C8orf88: variants seen among roughly 807,000 people sequenced by gnomAD.
C8orf88 encodes the protein uncharacterized protein C8orf88.
C8orf88 carries 14 observed loss-of-function variants against 18.4 expected under a neutral mutation model. The ratio of observed to expected loss-of-function variants is 0.76; its 90% CI spans 0.50 to 1.19. C8orf88 has a LOEUF of 1.19. Among genes scored for constraint, C8orf88 ranks in the 50% most tolerant of loss-of-function variants. The probability of loss-of-function intolerance (pLI) is 0.00; values close to 1 mark genes in which losing one functional copy is unlikely to be tolerated. For missense variants in C8orf88, 116 were observed against 134.7 expected (o/e 0.86, Z 0.69); for synonymous variants, 45 against 42.9 (o/e 1.05, Z -0.19).
intron 4 of C8orf88, among the ~76,000 whole-genome samples, chr8:90,969,879 A>G (rs1279373054): frequency 6.6e-6 from 1 of 151,920 alleles, no homozygotes; most frequent in Non-Finnish European, 1.5e-5. Flanking sequence ...CCGGAAAAAA[A>G]GCTGCACATT....
chr8:90,965,624 C>A (rs1175728428), intron 4 of C8orf88, among the ~76,000 whole-genome samples: 2 of 151,688 alleles, frequency 1.3e-5, no homozygotes, highest in Non-Finnish European at 2.9e-5. Flanking sequence ...AGGATGAACT[C>A]ATATGTTAGG....
chr8:90,984,244 C>G (rs1811473445), intron 1 of C8orf88, among the ~76,000 whole-genome samples: 1 of 152,078 alleles, frequency 6.6e-6, no homozygotes, highest in Non-Finnish European at 1.5e-5. Flanking sequence ...TTGAATTTAC[C>G]TTGTGTATAA....
chr8:90,967,107 A>G (rs1172264610), intron 4 of C8orf88, among the ~76,000 whole-genome samples: 1 of 151,832 alleles, frequency 6.6e-6, no homozygotes, highest in Non-Finnish European at 1.5e-5. Flanking sequence ...AAACAGTGAA[A>G]GTGGGCACCC....
intron 4 of C8orf88, among the ~76,000 whole-genome samples, chr8:90,964,026 G>A (rs952605082): frequency 3.3e-5 from 5 of 151,636 alleles, no homozygotes; most frequent in African/African-American, 1.2e-4. Context: ...ACTTACAATT[G>A]TTTGACTTTA....
At chr8:90,982,470 T>G (rs1257643581) in intron 1 of C8orf88, among the ~76,000 whole-genome samples, 1 of 152,150 alleles carries the variant, frequency 6.6e-6, no homozygotes, top group Non-Finnish European at 1.5e-5. Context: ...TGGCACACAC[T>G]TCGTTGTTTT....
intron 1 of C8orf88, among the ~76,000 whole-genome samples, chr8:90,981,812 A>C (rs1811438945): frequency 6.6e-6 from 1 of 152,116 alleles, no homozygotes; most frequent in Non-Finnish European, 1.5e-5. Flanking sequence ...AAGATTTCCA[A>C]ATTTTGATGC....
At chr8:90,966,094 T>A (rs988490021) in intron 4 of C8orf88, among the ~76,000 whole-genome samples, 1 of 151,658 alleles carries the variant, frequency 6.6e-6, no homozygotes, top group East Asian at 2.0e-4. Context: ...AAAGTTGGTT[T>A]TTTCAACCCA....
chr8:90,975,431 C>T (rs973108030), intron 3 of C8orf88, among the ~76,000 whole-genome samples: 2 of 151,786 alleles, frequency 1.3e-5, no homozygotes, highest in Admixed American at 6.6e-5. Flanking sequence ...GGACAAACAA[C>T]CCAAATAATA....
chr8:90,971,297 C>A (rs1811280127), intron 3 of C8orf88, among the ~76,000 whole-genome samples, 156 bp from the exon 4 acceptor site: 1 of 151,836 alleles, frequency 6.6e-6, no homozygotes, highest in East Asian at 1.9e-4. Context: ...AAATGAGCGA[C>A]AAAAACATCT....
intron 1 of C8orf88, among the ~76,000 whole-genome samples, chr8:90,982,256 A>G (rs1021992886): frequency 6.6e-6 from 1 of 152,166 alleles, no homozygotes; most frequent in Non-Finnish European, 1.5e-5. Context: ...CAAATAGAAA[A>G]AATACTTCAA....
At chr8:90,970,209 T>A (rs1305854236) in intron 4 of C8orf88, among the ~76,000 whole-genome samples, 2 of 151,872 alleles carry the variant, frequency 1.3e-5, no homozygotes, top group Non-Finnish European at 2.9e-5. Context: ...AATAACTATG[T>A]GGTGGGGAGA....
chr8:90,965,273 T>C (rs1811178486), intron 4 of C8orf88, among the ~76,000 whole-genome samples: 1 of 151,718 alleles, frequency 6.6e-6, no homozygotes, highest in Non-Finnish European at 1.5e-5. Flanking sequence ...AAAATTGTTA[T>C]AAGAGACAAT....
chr8:90,978,271 G>A (rs909509549), intron 3 of C8orf88, among the ~76,000 whole-genome samples: 1 of 152,028 alleles, frequency 6.6e-6, no homozygotes, highest in Non-Finnish European at 1.5e-5. Flanking sequence ...TATATTCATG[G>A]AAAAAATAAA....
At chr8:90,978,502 T>C in intron 3 of C8orf88, 77 bp downstream of exon 3, 3 of 792,274 alleles carry the variant, frequency 3.8e-6, no homozygotes, top group Non-Finnish European at 5.8e-6. Flanking sequence ...GCATAGTATC[T>C]GGCACACAAT....
At chr8:90,960,882 A>G (rs1236132293) in intron 4 of C8orf88, 34 bp from the exon 5 acceptor site, 67 of 1,239,492 alleles carry the variant, frequency 5.4e-5, no homozygotes, top group Non-Finnish European at 7.3e-5. Flanking sequence ...TAATGTTAGG[A>G]AATGTAGGGC....
At chr8:90,983,129 T>G (rs890282473) in intron 1 of C8orf88, among the ~76,000 whole-genome samples, 5 of 152,164 alleles carry the variant, frequency 3.3e-5, no homozygotes, top group African/African-American at 7.2e-5. Context: ...TATCAACGAT[T>G]CAAAGCACAG....
chr8:90,963,228 A>C (rs1344120700), intron 4 of C8orf88, among the ~76,000 whole-genome samples: 1 of 151,716 alleles, frequency 6.6e-6, no homozygotes, highest in Non-Finnish European at 1.5e-5. Flanking sequence ...AGATAACAGA[A>C]CAGAGACTTC....
At chr8:90,965,679 A>C (rs1306791979) in intron 4 of C8orf88, among the ~76,000 whole-genome samples, 1 of 151,890 alleles carries the variant, frequency 6.6e-6, no homozygotes, top group Non-Finnish European at 1.5e-5. Context: ...CAAATCATAC[A>C]AAGTATGCCC....
rs1586161614 is a variant in C8orf88, at chr8:90,968,044, G to A, written c.223+3022C>T. Among the ~76,000 whole-genome samples, 5 of 151,756 alleles carry A rather than the reference G, an allele frequency of 3.3e-5. No individual in the cohort carries two copies. The East Asian group carries it at 9.7e-4, about 29-fold the overall frequency. On this transcript the variant is annotated intron_variant, in intron 4 of 5. Transcript: ENST00000517562. ...CGCTATCCCTATCAAATTTCTAATG[G>A]CCTCTTTTGCAGAAATGGAAACGTT...
Sources: allele counts gnomAD v4.1 joint callset (sites outside exome capture counted in the v4.1 genomes callset), GRCh38; gene constraint gnomAD v4.1.1; transcripts MANE v1.5; gene names NCBI Gene and HGNC (gene_info 2026-07-23, HGNC 2026-07-21).